The following IGF1 variants were observed in gnomAD, a reference collection of about 807,000 sequenced individuals.
IGF1 encodes insulin-like growth factor 1.
A neutral mutation model predicts 13.8 loss-of-function variants in IGF1; 4 were observed. The observed-to-expected ratio is 0.29, with a 90% CI of 0.14 to 0.66. The LOEUF (loss-of-function observed/expected upper bound fraction) is 0.66, where lower values mean the gene tolerates loss of function less well. Ranked by LOEUF, IGF1 falls within the 30% of genes least tolerant of loss-of-function variation. The pLI, the probability that IGF1 is intolerant of heterozygous loss-of-function variation, is 0.78. For missense variants in IGF1, 124 were observed against 188.5 expected (o/e 0.66, Z 2.00); for synonymous variants, 76 against 72.6 (o/e 1.05, Z -0.23).
rs1260230943 is a variant in IGF1, at chr12:102,442,313, C to T, written c.221-22623G>A. 2.6e-5 allele frequency among the ~76,000 whole-genome samples: 4 copies of T among 152,036 alleles called. No homozygotes were observed. The East Asian group carries it at 7.7e-4, about 29-fold the overall frequency. ...CAGAAGTGAATGGGAAAGCTTAGTG[C>T]ATCTTAGAGTATCTTCTAAGAGAAA... On this transcript the variant is annotated intron_variant, in intron 2 of 3. Coordinates refer to ENST00000337514, the MANE Select transcript of IGF1 (RefSeq NM_000618.5).
Position 102,462,687 on chromosome 12 carries a change from ATCT to A in IGF1, c.220+12953_220+12955del, listed in dbSNP as rs1365081279. The A allele has an allele frequency of 2.0e-5, 3 of 152,206 alleles. No individual in the cohort carries two copies. In the East Asian group the frequency reaches 5.8e-4, roughly 29 times the overall value. 9.4% of individuals were successfully genotyped at this position (152,206 alleles called of 1,614,324 possible). A position where few individuals can be genotyped will look rare whatever the true frequency, so the allele number is the denominator to read the frequency against. On this transcript the variant is annotated intron_variant, in intron 2 of 3. Coordinates refer to ENST00000337514, the MANE Select transcript of IGF1 (RefSeq NM_000618.5). ...GATGCTTATTGTATGTGTGTCATTG[ATCT>A]TCTCAAAATTCATCCTCAAATATCT...
intron 2 of IGF1, among the ~76,000 whole-genome samples, chr12:102,446,291 G>A (rs1386992062): frequency 5.3e-5 from 8 of 152,130 alleles, no homozygotes; most frequent in African/African-American, 1.2e-4. Flanking sequence ...AGTTTCAGAC[G>A]GAATGGTACC....
intron 2 of IGF1, among the ~76,000 whole-genome samples, chr12:102,449,380 C>G (rs1878704003): frequency 7.0e-6 from 1 of 141,938 alleles, no homozygotes; most frequent in African/African-American, 2.7e-5. Context: ...GAACATCACA[C>G]AGTGGGGCCA....
intron 2 of IGF1, among the ~76,000 whole-genome samples, chr12:102,473,121 G>T (rs2137260240): frequency 1.3e-5 from 2 of 152,242 alleles, no homozygotes; most frequent in Admixed American, 1.3e-4. Flanking sequence ...CTAGACACTT[G>T]GATTCAAATG....
chr12:102,466,476 A>G (rs1415111691), intron 2 of IGF1, among the ~76,000 whole-genome samples: 1 of 152,198 alleles, frequency 6.6e-6, no homozygotes, highest in Non-Finnish European at 1.5e-5. Context: ...TAGTTATCGT[A>G]TAATGCACAG....
chr12:102,464,791 A>G (rs1880183906), intron 2 of IGF1, among the ~76,000 whole-genome samples: 1 of 152,200 alleles, frequency 6.6e-6, no homozygotes, highest in Non-Finnish European at 1.5e-5. Flanking sequence ...AACAGTTTGG[A>G]TGTACAACTT....
At chr12:102,452,230 C>G (rs1449758640) in intron 2 of IGF1, among the ~76,000 whole-genome samples, 2 of 127,378 alleles carry the variant, frequency 1.6e-5, no homozygotes, top group East Asian at 4.7e-4. Flanking sequence ...CCACTGCACT[C>G]CAGCCTGGGC....
At chr12:102,435,155 A>G (rs1369783566) in intron 2 of IGF1, among the ~76,000 whole-genome samples, 2 of 152,232 alleles carry the variant, frequency 1.3e-5, no homozygotes, top group Admixed American at 1.3e-4. Context: ...ACATGCAAGT[A>G]TTAATACCAT....
At position 102,400,395 on chromosome 12, in the gene IGF1, C is replaced by G. The variant is rs1210691040; in HGVS notation, c.*2112G>C. ...AGGCTATGATGGACTAGTACACTAACCAGTGGACTTTCTTGATACCAATTT... is the reference window on the plus strand; with the variant it reads ...AGGCTATGATGGACTAGTACACTAAGCAGTGGACTTTCTTGATACCAATTT... On this transcript the variant is annotated 3_prime_UTR_variant, in exon 4 of 4. Transcript: ENST00000337514. The G allele has an allele frequency of 1.3e-5, 2 of 152,052 alleles. No homozygotes were observed. Among genetic ancestry groups the G allele is most frequent in the Admixed American group, 1.3e-4 (2 of 15,258 alleles). 9.4% of individuals were successfully genotyped at this position (152,052 alleles called of 1,614,324 possible). A position where few individuals can be genotyped will look rare whatever the true frequency, so the allele number is the denominator to read the frequency against.
At chr12:102,445,512 T>C (rs1051837024) in intron 2 of IGF1, among the ~76,000 whole-genome samples, 3 of 152,144 alleles carry the variant, frequency 2.0e-5, no homozygotes, top group Non-Finnish European at 1.5e-5. Context: ...GTGAATGGAG[T>C]TCACTCATGA....
Position 102,428,236 on chromosome 12 carries a change from G to GTATGTATATATATATATATATA in IGF1, c.221-8547_221-8546insTATATATATATATATATACATA, listed in dbSNP as rs1555241571. Among the ~76,000 whole-genome samples, 11 of 69,482 alleles carry GTATGTATATATATATATATATA rather than the reference G, an allele frequency of 1.6e-4. 2 individuals are homozygous for GTATGTATATATATATATATATA. The highest frequency in any genetic ancestry group is 4.8e-4 in the African/African-American group (11 of 23,132). 45.6% of individuals were successfully genotyped at this position (69,482 alleles called of 152,430 possible). ...CGACCCACTTTGTAATCAATAATGT[G>GTATGTATATATATATATATATA]TATATATATATATGGCATATTAATG... On this transcript the variant is annotated intron_variant, in intron 2 of 3. Coordinates refer to ENST00000337514, the MANE Select transcript of IGF1 (RefSeq NM_000618.5).
At chr12:102,413,275 T>A (rs1280688269) in intron 3 of IGF1, among the ~76,000 whole-genome samples, 2 of 152,238 alleles carry the variant, frequency 1.3e-5, no homozygotes, top group East Asian at 3.8e-4. Context: ...GTCAACTCTG[T>A]GTTATCTAGT....
At chr12:102,448,684 T>A (rs1372412018) in intron 2 of IGF1, among the ~76,000 whole-genome samples, 16 of 40,446 alleles carry the variant, frequency 4.0e-4, no homozygotes, top group East Asian at 3.3e-3. Flanking sequence ...AAACTTAGAG[T>A]ATAATAAAAA....
intron 2 of IGF1, among the ~76,000 whole-genome samples, chr12:102,457,837 A>G (rs1879543353): frequency 6.6e-6 from 1 of 152,188 alleles, no homozygotes; most frequent in South Asian, 2.1e-4. Context: ...ATTGAAGGTA[A>G]CCTTAAGGCA....
intron 2 of IGF1, among the ~76,000 whole-genome samples, chr12:102,424,886 T>C (rs543869736): frequency 7.9e-5 from 12 of 152,336 alleles, no homozygotes; most frequent in African/African-American, 1.9e-4. Context: ...GTCAATATTT[T>C]GCCTTTAAAT....
chr12:102,442,254 G>C (rs772368823), intron 2 of IGF1, among the ~76,000 whole-genome samples: 3 of 151,938 alleles, frequency 2.0e-5, no homozygotes, highest in Non-Finnish European at 2.9e-5. Flanking sequence ...TGGCAACACT[G>C]CTTCTTAACT....
chr12:102,469,941 C>T (rs1353575641), intron 2 of IGF1, among the ~76,000 whole-genome samples: 1 of 151,990 alleles, frequency 6.6e-6, no homozygotes, highest in Non-Finnish European at 1.5e-5. Context: ...AATACTACTA[C>T]ATAATTCTTA....
intron 2 of IGF1, among the ~76,000 whole-genome samples, chr12:102,425,458 C>G (rs1876118431): frequency 6.6e-6 from 1 of 152,186 alleles, no homozygotes. Flanking sequence ...TACTCAGCAA[C>G]TCTTTCTCAG....
chr12:102,439,323 A>G (rs1436843198), intron 2 of IGF1, among the ~76,000 whole-genome samples: 1 of 152,240 alleles, frequency 6.6e-6, no homozygotes, highest in African/African-American at 2.4e-5. Context: ...TCCTTCCTCA[A>G]TGATGAGTAA....
Sources: gnomAD v4.1 joint callset for allele counts (sites outside exome capture counted in the v4.1 genomes callset) on GRCh38, gnomAD v4.1.1 for gene constraint, MANE v1.5 for transcripts, NCBI Gene and HGNC (gene_info 2026-07-23, HGNC 2026-07-21) for gene names.